Variants in DNAJC13 observed in about 807,000 individuals in gnomAD.
DNAJC13 encodes the protein dnaJ homolog subfamily C member 13.
A neutral mutation model predicts 290.5 loss-of-function variants in DNAJC13; 75 were observed. The ratio of observed to expected loss-of-function variants is 0.26; its 90% confidence interval spans 0.21 to 0.31. The LOEUF is 0.31. DNAJC13 is among the 10% of genes least tolerant of loss of function. The pLI, the probability that DNAJC13 is intolerant of heterozygous loss-of-function variation, is 1.00. For missense variants in DNAJC13, 2,260 were observed against 2,674.5 expected, an observed-to-expected ratio of 0.85 and a Z score of 3.42; for synonymous variants, 862 against 892.0, an observed-to-expected ratio of 0.97 and a Z score of 0.60.
chr3:132,418,357 T>G (rs1365541361), intron 1 of DNAJC13, among the ~76,000 whole-genome samples: 3 of 152,214 alleles, frequency 2.0e-5, no homozygotes, highest in Non-Finnish European at 4.4e-5. Flanking sequence ...TATCTTTGAA[T>G]GTGGCCTTTG....
chr3:132,488,286 A>T lies in DNAJC13; in HGVS notation c.3268-12A>T. The T allele has an allele frequency of 1.3e-6, 2 of 1,573,960 alleles. No homozygotes were observed. Among genetic ancestry groups the T allele is most frequent in the Non-Finnish European group, 8.6e-7 (1 of 1,164,082 alleles). ...TTTACAACCCAATAAAAACATTTTA[A>T]TTTTTTTTCAGCTACTGCTGACCTT... On this transcript the variant is annotated splice_polypyrimidine_tract_variant and intron_variant, in intron 29 of 55. Coordinates refer to ENST00000260818, the MANE Select transcript of DNAJC13 (RefSeq NM_015268.4).
chr3:132,486,838 C>T (rs949810812), intron 29 of DNAJC13, among the ~76,000 whole-genome samples: 4 of 152,138 alleles, frequency 2.6e-5, no homozygotes, highest in African/African-American at 9.6e-5. Flanking sequence ...AGTGAGTAAA[C>T]GTTCTAGGTT....
In DNAJC13 at chr3:132,500,863, G is replaced by T; in HGVS notation, c.4486G>T (p.Glu1496Ter). 1 of 1,614,102 alleles carries T rather than the reference G, an allele frequency of 6.2e-7. No homozygotes were observed. Among genetic ancestry groups the T allele is most frequent in the Non-Finnish European group, 8.5e-7 (1 of 1,179,974 alleles). The stretch of plus-strand genomic sequence containing the variant: ...TGAGGAATGCCGAGAGAAGATCACG[G>T]AAATGCCTAGCATCATCAAGGATCT... The part of the protein sequence containing the change: ...QFEECREKIT[E>*]MPSIIKDLCR... The change falls in exon 39 of 56, where the codon GAA (glutamate) becomes TAA (stop). Residue 1496 changes from glutamate to a stop codon, truncating the protein, a stop_gained. Coordinates refer to ENST00000260818, the MANE Select transcript of DNAJC13 (RefSeq NM_015268.4). LOFTEE classifies it high-confidence loss of function.
At position 132,453,489 on chromosome 3, in the gene DNAJC13, A is replaced by G; in HGVS notation, c.729A>G (p.Ile243Met). 1 of 1,613,928 alleles carries G rather than the reference A, an allele frequency of 6.2e-7. No homozygotes were observed. The highest frequency in any genetic ancestry group is 8.5e-7 in the Non-Finnish European group (1 of 1,179,888). Residue 243 changes from isoleucine (I) to methionine (M), a missense_variant, in exon 7 of 56, where the codon ATA (isoleucine) becomes ATG (methionine). Physicochemically the swap from Ile to Met is conservative, Grantham distance 10. Transcript: ENST00000260818. Reference protein sequence around the residue: ...TSLAEFVVQKISPRHSEPVKR... With the variant: ...TSLAEFVVQKMSPRHSEPVKR... ...TAGCAGAGTTTGTAGTCCAAAAAAT[A>G]TCACCTAGACATTCGGTAAGACCCA...
At chr3:132,453,743 A>G (rs1191531834) in intron 8 of DNAJC13, 49 bp downstream of exon 8, 1 of 1,465,302 alleles carries the variant, frequency 6.8e-7, no homozygotes, top group Non-Finnish European at 9.4e-7. Context: ...CTATTGATAA[A>G]TTAGGATAAT....
chr3:132,423,777 G>C (rs1317340901), intron 1 of DNAJC13, among the ~76,000 whole-genome samples: 1 of 152,158 alleles, frequency 6.6e-6, no homozygotes, highest in Non-Finnish European at 1.5e-5. Flanking sequence ...CAGTGTTTGG[G>C]TTTTCAGGAT....
At chr3:132,499,367 T>G in intron 37 of DNAJC13, 57 bp downstream of exon 37, 1 of 1,396,284 alleles carries the variant, frequency 7.2e-7, no homozygotes, top group Non-Finnish European at 9.6e-7. Flanking sequence ...TATATGACTC[T>G]TGGCAGTGAA....
intron 50 of DNAJC13, 73 bp downstream of exon 50, chr3:132,523,272 A>G (rs1042385164): frequency 7.3e-6 from 11 of 1,511,564 alleles, no homozygotes; most frequent in African/African-American, 4.1e-5. Context: ...GAGTCAGTTT[A>G]ATGCCGACCT....
At chr3:132,528,077 A>C in intron 53 of DNAJC13, 112 bp from the exon 54 acceptor site, 2 of 1,158,840 alleles carry the variant, frequency 1.7e-6, no homozygotes, top group South Asian at 2.9e-5. Context: ...TATGGCATTA[A>C]AATACGGTGC....
chr3:132,426,103 G>A (rs1385417813), intron 1 of DNAJC13, among the ~76,000 whole-genome samples: 1 of 152,166 alleles, frequency 6.6e-6, no homozygotes, highest in Non-Finnish European at 1.5e-5. Flanking sequence ...AGAATATTGT[G>A]TTGTTCGAAA....
At position 132,453,601 on chromosome 3, in the gene DNAJC13, G is replaced by A; in HGVS notation, c.747G>A (p.Glu249=). 6.2e-7 allele frequency: 1 copy of A among 1,609,362 alleles called. No individual in the cohort carries two copies. The highest frequency in any genetic ancestry group is 8.5e-7 in the Non-Finnish European group (1 of 1,178,756). ...TGTCTCAATTTTATTTTTTGAAGGA[G>A]CCTGTTAAAAGAGTTCTAGCACTTA... ...VVQKISPRHS[E]PVKRVLALTE... is the part of the protein sequence containing the mutation. Residue 249 remains glutamate, a splice_region_variant and synonymous_variant, in exon 8 of 56, where the codon GAG becomes GAA. Transcript: ENST00000260818.
intron 48 of DNAJC13, among the ~76,000 whole-genome samples, chr3:132,519,133 G>C (rs532075510): frequency 3.3e-5 from 5 of 152,132 alleles, no homozygotes; most frequent in African/African-American, 1.2e-4. Context: ...ACAGGTTTTT[G>C]TGTGGACATG....
At position 132,451,783 on chromosome 3, in the gene DNAJC13, T is replaced by C. The variant is rs576917386; in HGVS notation, c.537+936T>C. On this transcript the variant is annotated intron_variant, in intron 6 of 55. Transcript: ENST00000260818. ...TTGAACTTTTACATATATAAGATAG[T>C]AGATGTTAGCAAAAGGGAAATAAAC... 5.3e-5 allele frequency among the ~76,000 whole-genome samples: 8 copies of C among 152,324 alleles called. No homozygotes were observed. The South Asian group carries it at 1.7e-3, about 32-fold the overall frequency.
Position 132,500,449 on chromosome 3 carries a change from A to G in DNAJC13, c.4417-345A>G, listed in dbSNP as rs867637039. 7.9e-5 allele frequency among the ~76,000 whole-genome samples: 12 copies of G among 152,196 alleles called. No homozygotes were observed. The South Asian group carries it at 1.4e-3, about 18-fold the overall frequency. On this transcript the variant is annotated intron_variant, in intron 38 of 55. Transcript: ENST00000260818. Reference sequence around the variant, plus strand: ...AAATAAAGGTCCAGGGAGTAAATATATGAGTCTTTCAGGCTTCATACAGTC... The same window carrying G: ...AAATAAAGGTCCAGGGAGTAAATATGTGAGTCTTTCAGGCTTCATACAGTC...
chr3:132,482,384 C>A, intron 27 of DNAJC13, 54 bp downstream of exon 27: 1 of 1,372,122 alleles, frequency 7.3e-7, no homozygotes, highest in Non-Finnish European at 1.0e-6. Flanking sequence ...TTATGCCCTC[C>A]TGCTTAGCAC....
Position 132,488,402 on chromosome 3 carries a change from A to G in DNAJC13, c.3372A>G (p.Val1124=). 1.2e-6 allele frequency: 2 copies of G among 1,613,510 alleles called. No individual in the cohort carries two copies. Among genetic ancestry groups the G allele is most frequent in the Non-Finnish European group, 1.7e-6 (2 of 1,179,732 alleles). ...PQLPRLYLSG[V]FFFIMMYTGS... ...TACCCCGCCTTTATCTGAGTGGAGT[A>G]TTTTTCTTTATCATGATGTACACAG... The change falls in exon 30 of 56, where the codon GTA becomes GTG. Residue 1124 remains valine, a synonymous_variant. Coordinates refer to ENST00000260818, the MANE Select transcript of DNAJC13 (RefSeq NM_015268.4).
At chr3:132,447,253 G>A in intron 3 of DNAJC13, 68 bp from the exon 4 acceptor site, 1 of 1,289,622 alleles carries the variant, frequency 7.8e-7, no homozygotes, top group Non-Finnish European at 1.0e-6. Flanking sequence ...TGAAATTAAA[G>A]TGACAAAAAT....
At position 132,522,919 on chromosome 3, in the gene DNAJC13, C is replaced by G; in HGVS notation, c.5765C>G (p.Thr1922Ser). The G allele has an allele frequency of 6.2e-7, 1 of 1,613,552 alleles. No individual in the cohort carries two copies. The change falls in exon 49 of 56, where the codon ACT becomes AGT. Residue 1922 changes from threonine (T) to serine (S), a missense_variant. Physicochemically the swap from Thr to Ser is moderately conservative, Grantham distance 58 (BLOSUM62 1). Coordinates refer to ENST00000260818, the MANE Select transcript of DNAJC13 (RefSeq NM_015268.4). ...PEAAVHIFEG[T>S]HENPELIWND... ...GCTGCTGTACATATTTTTGAAGGAA[C>G]TCATGAAAATCCTGAGTTAATTTGG...
At position 132,434,520 on chromosome 3, in the gene DNAJC13, CAT is replaced by C. The variant is rs1488797863; in HGVS notation, c.-13-15_-13-14del. On this transcript the variant is annotated splice_polypyrimidine_tract_variant and intron_variant, in intron 1 of 55. Coordinates refer to ENST00000260818, the MANE Select transcript of DNAJC13 (RefSeq NM_015268.4). ...ATATATAACATGTACTAAGTGCCCT[CAT>C]ATTTTTATCTTCCAGGTTTGAGCAC... 3.2e-6 allele frequency: 5 copies of C among 1,573,866 alleles called. No homozygotes were observed. The highest frequency in any genetic ancestry group is 4.5e-5 in the East Asian group (2 of 44,600).
Sources: allele counts gnomAD v4.1 joint callset (sites outside exome capture counted in the v4.1 genomes callset), GRCh38; gene constraint gnomAD v4.1.1; transcripts MANE v1.5; gene names NCBI Gene and HGNC (gene_info 2026-07-23, HGNC 2026-07-21).